Variants in GALNT13 observed in about 807,000 individuals in gnomAD.
GALNT13 encodes UDP-GalNAc:polypeptide N-acetylgalactosaminyltransferase 13.
In GALNT13, 28 loss-of-function variants were observed where a neutral mutation model predicts 64.2. The ratio of observed to expected loss-of-function variants is 0.44; its 90% confidence interval spans 0.32 to 0.60. The LOEUF (loss-of-function observed/expected upper bound fraction) is 0.60. Ranked by LOEUF, GALNT13 falls within the 20% of genes least tolerant of loss-of-function variation. The pLI is 0.05. For synonymous variants in GALNT13, 214 were observed against 224.6 expected, an observed-to-expected ratio of 0.95 and a Z score of 0.42; for missense variants, 577 against 669.8, an observed-to-expected ratio of 0.86 and a Z score of 1.53.
At chr2:153,509,470 T>C in the GALNT13 span, among the ~76,000 whole-genome samples, 1 of 152,234 alleles carries the variant, frequency 6.6e-6, no homozygotes, top group Non-Finnish European at 1.5e-5. Flanking sequence ...ATTTAAGAAC[T>C]TGAAACTGTT....
At chr2:154,166,514 T>G (rs1407047505) in intron 4 of GALNT13, among the ~76,000 whole-genome samples, 1 of 152,162 alleles carries the variant, frequency 6.6e-6, no homozygotes, top group East Asian at 1.9e-4. Flanking sequence ...TAGGAACACT[T>G]TTACACTGTT....
chr2:153,735,957 C>A, the GALNT13 span, among the ~76,000 whole-genome samples: 1 of 152,176 alleles, frequency 6.6e-6, no homozygotes, highest in Non-Finnish European at 1.5e-5. Flanking sequence ...TAAGATTATT[C>A]TTTCCCTCTT....
chr2:153,702,338 C>A, the GALNT13 span, among the ~76,000 whole-genome samples: 3 of 152,134 alleles, frequency 2.0e-5, no homozygotes, highest in East Asian at 5.8e-4. Flanking sequence ...TACACTGGGG[C>A]CTGCTGAGGG....
intron 9 of GALNT13, among the ~76,000 whole-genome samples, chr2:154,347,040 C>A (rs368990542): frequency 1.0e-4 from 14 of 134,232 alleles, no homozygotes; most frequent in Non-Finnish European, 3.3e-5. Context: ...AAAAATATTA[C>A]CTCATGCAGA....
the GALNT13 span, among the ~76,000 whole-genome samples, chr2:153,345,032 A>T: frequency 6.6e-6 from 1 of 152,246 alleles, no homozygotes; most frequent in Non-Finnish European, 1.5e-5. Flanking sequence ...AAAGCATCAA[A>T]CTAGGAGATA....
chr2:154,017,475 G>A (rs1697086492), intron 3 of GALNT13, among the ~76,000 whole-genome samples: 1 of 152,006 alleles, frequency 6.6e-6, no homozygotes, highest in Admixed American at 6.5e-5. Flanking sequence ...AAAATTACAC[G>A]ATAAGTACAC....
the GALNT13 span, among the ~76,000 whole-genome samples, chr2:153,830,986 A>G: frequency 1.3e-5 from 2 of 152,220 alleles, no homozygotes; most frequent in Non-Finnish European, 2.9e-5. Flanking sequence ...TGTTATACAT[A>G]AGAAAAGAAT....
intron 9 of GALNT13, among the ~76,000 whole-genome samples, chr2:154,349,089 A>G (rs1037775291): frequency 6.6e-6 from 1 of 152,222 alleles, no homozygotes; most frequent in South Asian, 2.1e-4. Flanking sequence ...TATTAATCAA[A>G]TGCAATTTTA....
intron 3 of GALNT13, among the ~76,000 whole-genome samples, chr2:154,105,571 A>G (rs950176478): frequency 5.3e-5 from 8 of 152,204 alleles, no homozygotes; most frequent in Non-Finnish European, 8.8e-5. Context: ...AGTACACTCT[A>G]TGATGTTCCT....
At chr2:154,301,121 T>A (rs1693416393) in intron 8 of GALNT13, among the ~76,000 whole-genome samples, 1 of 152,204 alleles carries the variant, frequency 6.6e-6, no homozygotes, top group South Asian at 2.1e-4. Context: ...CCAAATCTAC[T>A]AACTAGCAAT....
chr2:153,673,422 G>T, the GALNT13 span, among the ~76,000 whole-genome samples: 1 of 152,000 alleles, frequency 6.6e-6, no homozygotes, highest in Non-Finnish European at 1.5e-5. Context: ...ATCAATAAAC[G>T]TAATCCATCA....
chr2:154,043,453 TATAC>T (rs1289433903), intron 3 of GALNT13, among the ~76,000 whole-genome samples: 3 of 93,778 alleles, frequency 3.2e-5, no homozygotes, highest in Admixed American at 3.0e-4. Flanking sequence ...TATATATATA[TATAC>T]ACACATGTAT....
chr2:153,443,432 G>A, the GALNT13 span, among the ~76,000 whole-genome samples: 2 of 152,212 alleles, frequency 1.3e-5, no homozygotes, highest in African/African-American at 4.8e-5. Flanking sequence ...TGGAAATGCA[G>A]AAATCACTCA....
chr2:154,312,035 T>G (rs1450429567), intron 9 of GALNT13, among the ~76,000 whole-genome samples: 1 of 152,170 alleles, frequency 6.6e-6, no homozygotes, highest in Non-Finnish European at 1.5e-5. Flanking sequence ...AACGCAATTA[T>G]TACAGGGTCC....
chr2:153,531,692 C>T, the GALNT13 span, among the ~76,000 whole-genome samples: 2 of 152,168 alleles, frequency 1.3e-5, no homozygotes, highest in Middle Eastern at 6.8e-3. Flanking sequence ...GCCTATGAGC[C>T]TGTAAAATAA....
chr2:153,181,665 A>G, the GALNT13 span, among the ~76,000 whole-genome samples: 1 of 146,306 alleles, frequency 6.8e-6, no homozygotes, highest in Non-Finnish European at 1.5e-5. Flanking sequence ...AAATTTATAT[A>G]ATTCTATTTA....
At chr2:154,363,759 C>T (rs1054635107) in intron 9 of GALNT13, among the ~76,000 whole-genome samples, 1 of 152,176 alleles carries the variant, frequency 6.6e-6, no homozygotes. Context: ...ATGCCTTCCA[C>T]ATCATGTTTA....
At chr2:153,622,137 A>C in the GALNT13 span, among the ~76,000 whole-genome samples, 23,809 of 152,140 alleles carry the variant, frequency 0.16, 1,972 homozygotes, top group African/African-American at 0.19. Context: ...AACTTTGAGT[A>C]ACAGCATTTC....
chr2:153,510,126 T>G, the GALNT13 span, among the ~76,000 whole-genome samples: 7 of 152,192 alleles, frequency 4.6e-5, no homozygotes, highest in Admixed American at 1.3e-4. Flanking sequence ...AGCCTAAGCA[T>G]GACTCAAAGA....
Sources: gnomAD v4.1 joint callset for allele counts (sites outside exome capture counted in the v4.1 genomes callset) on GRCh38, gnomAD v4.1.1 for gene constraint, MANE v1.5 for transcripts, NCBI Gene and HGNC (gene_info 2026-07-23, HGNC 2026-07-21) for gene names.